The following MED12L variants were observed in gnomAD, a reference collection of about 807,000 sequenced individuals.
MED12L encodes the protein mediator of RNA polymerase II transcription subunit 12-like protein.
In MED12L, 60 loss-of-function variants were observed where a neutral mutation model predicts 281.3. The observed-to-expected ratio is 0.21, with a 90% confidence interval of 0.17 to 0.26. The LOEUF is 0.26. Among genes scored for constraint, MED12L ranks in the 10% least tolerant of loss-of-function variants. MED12L has a pLI of 1.00. For missense variants in MED12L, 2,146 were observed against 2,680.9 expected, an observed-to-expected ratio of 0.80 and a Z score of 4.41; for synonymous variants, 974 against 987.2, an observed-to-expected ratio of 0.99 and a Z score of 0.25.
intron 2 of MED12L, among the ~76,000 whole-genome samples, chr3:151,113,053 A>G (rs1712165136): frequency 6.6e-6 from 1 of 152,198 alleles, no homozygotes; most frequent in African/African-American, 2.4e-5. Flanking sequence ...CATTCTAAGT[A>G]AATTATAGTG....
At position 151,338,326 on chromosome 3, in the gene MED12L, T is replaced by C. The variant is rs1577367082; in HGVS notation, c.2251-11733T>C. ...AACTCTGATTTAAGGAAAGAGCATT[T>C]CTTCACATTCTTGTCTCTCGGCTGC... On this transcript the variant is annotated intron_variant, in intron 16 of 44. Transcript: ENST00000687756. 2.5e-6 allele frequency: 4 copies of C among 1,614,146 alleles called. No individual in the cohort carries two copies. The highest frequency in any genetic ancestry group is 3.4e-6 in the Non-Finnish European group (4 of 1,180,016).
At chr3:151,166,223 T>C (rs1720696257) in intron 11 of MED12L, among the ~76,000 whole-genome samples, 1 of 152,204 alleles carries the variant, frequency 6.6e-6, no homozygotes, top group Non-Finnish European at 1.5e-5. Flanking sequence ...TTCTTGGCCC[T>C]TTTACCATCA....
At chr3:151,403,494 A>G (rs1441485412) in intron 39 of MED12L, among the ~76,000 whole-genome samples, 2 of 152,250 alleles carry the variant, frequency 1.3e-5, no homozygotes, top group African/African-American at 4.8e-5. Flanking sequence ...GGCTATTCCC[A>G]AAATCTCAAC....
At chr3:151,225,662 C>T (rs1730338431) in intron 16 of MED12L, among the ~76,000 whole-genome samples, 1 of 152,166 alleles carries the variant, frequency 6.6e-6, no homozygotes, top group African/African-American at 2.4e-5. Flanking sequence ...TTCTGCATTC[C>T]TGTGGCACTC....
chr3:151,254,357 G>A (rs1737417507), intron 16 of MED12L, among the ~76,000 whole-genome samples: 1 of 152,126 alleles, frequency 6.6e-6, no homozygotes, highest in South Asian at 2.1e-4. Flanking sequence ...TTATAGCAGA[G>A]GCTTAACATT....
At chr3:151,353,698 A>T (rs974335683) in intron 17 of MED12L, among the ~76,000 whole-genome samples, 1 of 152,224 alleles carries the variant, frequency 6.6e-6, no homozygotes, top group African/African-American at 2.4e-5. Context: ...TTAGCAAAAT[A>T]TTTTTGAGTT....
At chr3:151,301,341 C>G (rs1196847852) in intron 16 of MED12L, among the ~76,000 whole-genome samples, 3 of 152,078 alleles carry the variant, frequency 2.0e-5, no homozygotes, top group African/African-American at 7.2e-5. Flanking sequence ...AAGGAAATTG[C>G]CTGATAGACA....
intron 2 of MED12L, among the ~76,000 whole-genome samples, chr3:151,101,857 G>A (rs919391474): frequency 6.6e-6 from 1 of 152,182 alleles, no homozygotes; most frequent in Non-Finnish European, 1.5e-5. Context: ...AAAAGAGCCC[G>A]ACTGATCAGG....
chr3:151,363,166 T>G (rs1022406033), intron 21 of MED12L, among the ~76,000 whole-genome samples: 3 of 151,952 alleles, frequency 2.0e-5, no homozygotes, highest in African/African-American at 7.3e-5. Flanking sequence ...GTCAGCAGAG[T>G]GGCACATCAT....
chr3:151,138,744 T>C (rs1716501605), intron 5 of MED12L, among the ~76,000 whole-genome samples: 2 of 152,224 alleles, frequency 1.3e-5, no homozygotes. Flanking sequence ...CAAGGGTACA[T>C]GCTATCACCA....
At chr3:151,131,782 G>A (rs372840700) in intron 5 of MED12L, among the ~76,000 whole-genome samples, 2 of 152,092 alleles carry the variant, frequency 1.3e-5, no homozygotes, top group African/African-American at 2.4e-5. Flanking sequence ...ACTTAAGAAC[G>A]TTATGGACTT....
chr3:151,317,544 G>A (rs1181820592), intron 16 of MED12L, among the ~76,000 whole-genome samples: 21 of 132,518 alleles, frequency 1.6e-4, no homozygotes, highest in African/African-American at 5.6e-4. Flanking sequence ...TCCACCTCCC[G>A]GATTCAAGTG....
At chr3:151,214,026 A>G in intron 16 of MED12L, 1 of 1,614,176 alleles carries the variant, frequency 6.2e-7, no homozygotes, top group Non-Finnish European at 8.5e-7. Context: ...AGAGCACGGC[A>G]GAGACCCTGC....
chr3:151,410,217 A>G (rs1716790019), intron 40 of MED12L, among the ~76,000 whole-genome samples: 1 of 152,202 alleles, frequency 6.6e-6, no homozygotes, highest in Non-Finnish European at 1.5e-5. Flanking sequence ...ACACAATATA[A>G]TGCAAATCTT....
intron 16 of MED12L, among the ~76,000 whole-genome samples, chr3:151,265,256 G>A (rs867776344): frequency 1.3e-5 from 2 of 152,196 alleles, no homozygotes; most frequent in South Asian, 4.1e-4. Context: ...TCTATTCTGA[G>A]ACTTTAAATA....
At position 151,182,841 on chromosome 3, in the gene MED12L, T is replaced by G. The variant is rs58282727; in HGVS notation, c.1495-2489T>G. Among the ~76,000 whole-genome samples, 1,247 of 152,158 alleles carry G rather than the reference T, an allele frequency of 8.2e-3. 23 individuals are homozygous for G. Among genetic ancestry groups the G allele is most frequent in the African/African-American group, 0.028 (1,183 of 41,516 alleles). ...AGGGAGCGGATGGGTTTTAGTAGCT[T>G]AGGGGTGAGTTTGGGGCTGGAGGCA... On this transcript the variant is annotated intron_variant, in intron 11 of 44. Coordinates refer to ENST00000687756, the MANE Select transcript of MED12L (RefSeq NM_001393769.1).
intron 5 of MED12L, among the ~76,000 whole-genome samples, chr3:151,148,126 T>C (rs1469551361): frequency 6.6e-6 from 1 of 152,252 alleles, no homozygotes; most frequent in Non-Finnish European, 1.5e-5. Context: ...TTGACCATCT[T>C]AAATGTGCTT....
chr3:151,267,177 T>A (rs183700972), intron 16 of MED12L, among the ~76,000 whole-genome samples: 1 of 152,342 alleles, frequency 6.6e-6, no homozygotes, highest in East Asian at 1.9e-4. Flanking sequence ...TCATGGAAGA[T>A]GTGACTTATG....
Position 151,086,957 on chromosome 3 carries a change from C to T in MED12L, c.31C>T (p.Gln11Ter). ...CGCCTTCGGGCTTCTCAGCTATGAG[C>T]AGAGACCGCTGAAGCGCCCCCGGCT... MAAFGLLSYE[Q>*]RPLKRPRLGP... The change falls in exon 2 of 45, where the codon CAG becomes TAG. Residue 11 changes from glutamine (Q) to a stop codon, truncating the protein, a stop_gained. Transcript: ENST00000687756. LOFTEE classifies it high-confidence loss of function. 2 of 1,608,934 alleles carry T rather than the reference C, an allele frequency of 1.2e-6. No individual in the cohort carries two copies. Among genetic ancestry groups the T allele is most frequent in the Admixed American group, 1.7e-5 (1 of 59,610 alleles).
Sources: allele counts gnomAD v4.1 joint callset (sites outside exome capture counted in the v4.1 genomes callset), GRCh38; gene constraint gnomAD v4.1.1; transcripts MANE v1.5; gene names NCBI Gene and HGNC (gene_info 2026-07-23, HGNC 2026-07-21).